The following SV2B variants were observed in gnomAD, a reference collection of about 807,000 sequenced individuals.
SV2B encodes solute carrier family 22 member B2.
A neutral mutation model predicts 73.9 loss-of-function variants in SV2B; 41 were observed. The ratio of observed to expected loss-of-function variants is 0.56; its 90% CI spans 0.43 to 0.72. The LOEUF (loss-of-function observed/expected upper bound fraction) is 0.72, where lower values mean the gene tolerates loss of function less well. Ranked by LOEUF, SV2B falls within the 30% of genes least tolerant of loss-of-function variation. The probability of loss-of-function intolerance (pLI) is 0.00; values close to 1 mark genes in which losing one functional copy is unlikely to be tolerated. For missense variants in SV2B, 764 were observed against 857.8 expected, an observed-to-expected ratio of 0.89 and a Z score of 1.37; for synonymous variants, 314 against 314.2, an observed-to-expected ratio of 1.00 and a Z score of 0.01.
At chr15:91,169,401 G>A (rs768582225) in intron 1 of SV2B, among the ~76,000 whole-genome samples, 9 of 151,908 alleles carry the variant, frequency 5.9e-5, no homozygotes, top group Non-Finnish European at 1.2e-4. Context: ...TCCAGTGAAC[G>A]AATGAATGAA....
At chr15:91,213,261 T>C (rs1173550202) in intron 1 of SV2B, among the ~76,000 whole-genome samples, 1 of 152,178 alleles carries the variant, frequency 6.6e-6, no homozygotes, top group African/African-American at 2.4e-5. Context: ...AATAGACTCA[T>C]GGGCACATTT....
intron 1 of SV2B, among the ~76,000 whole-genome samples, chr15:91,202,929 C>T (rs780331206): frequency 1.8e-4 from 27 of 152,174 alleles, no homozygotes; most frequent in Non-Finnish European, 3.4e-4. Context: ...GAAGGACTGA[C>T]TACCACTCAC....
In SV2B at chr15:91,242,169, C is replaced by T. The variant is rs1410774300; in HGVS notation, c.452-9650C>T. ...TGGACATCTAAGCTACCTCTGTCTC[C>T]TCGTTTTCCACCTGCCCATTGGCTG... is the stretch of plus-strand genomic sequence containing the variant. On this transcript the variant is annotated intron_variant, in intron 2 of 12. Coordinates refer to ENST00000394232, the MANE Select transcript of SV2B (RefSeq NM_001323032.3). This position sits in a 1 kb window ranked among gnomAD's most constrained non-coding sequence, Gnocchi z 4.9. Among the ~76,000 whole-genome samples the T allele has an allele frequency of 6.6e-6, 1 of 152,210 alleles. No homozygotes were observed. Among genetic ancestry groups the T allele is most frequent in the African/African-American group, 2.4e-5 (1 of 41,450 alleles).
rs747484221 is a variant in SV2B at position 91,289,577 on chromosome 15, G to A, written c.1765G>A (p.Glu589Lys). ...CCFFLFFGNS[E>K]SAMIGWQCLF... ...CTTCTTCCTGTTTTTTGGCAACAGT[G>A]AGTCTGCAATGATCGGCTGGCAGTG... The change falls in exon 12 of 13, where the codon GAG becomes AAG. Residue 589 changes from glutamate to lysine, a missense_variant. Physicochemically the swap from Glu to Lys is moderately conservative, Grantham distance 56. Coordinates refer to ENST00000394232, the MANE Select transcript of SV2B (RefSeq NM_001323032.3). The surrounding 1 kb of genome is among the most constrained non-coding windows in gnomAD (Gnocchi z 4.9). The A allele has an allele frequency of 6.2e-7, 1 of 1,614,218 alleles. No homozygotes were observed. Among genetic ancestry groups the A allele is most frequent in the African/African-American group, 1.3e-5 (1 of 75,054 alleles).
At position 91,136,971 on chromosome 15, in the gene SV2B, A is replaced by G. The variant is rs59528283; in HGVS notation, c.-392+36608A>G. ...AGGAAAAACTATCTGCTCCTGAATG[A>G]AAATTTGATCCACGCAGAAGACAAC... On this transcript the variant is annotated intron_variant, in intron 1 of 12. Coordinates refer to ENST00000394232, the MANE Select transcript of SV2B (RefSeq NM_001323032.3). This position sits in a 1 kb window ranked among gnomAD's most constrained non-coding sequence, Gnocchi z 5.6. 7.8e-3 allele frequency among the ~76,000 whole-genome samples: 1,194 copies of G among 152,292 alleles called. 17 individuals are homozygous for G. Among genetic ancestry groups the G allele is most frequent in the African/African-American group, 0.028 (1,151 of 41,562 alleles).
intron 1 of SV2B, among the ~76,000 whole-genome samples, chr15:91,189,200 T>C (rs2044902943): frequency 1.3e-5 from 2 of 152,136 alleles, no homozygotes; most frequent in Admixed American, 1.3e-4. Flanking sequence ...GACTACATTT[T>C]GTTCATGGCA....
chr15:91,278,678 C>CAAAAGAAAAAA (rs2048580860), intron 9 of SV2B, among the ~76,000 whole-genome samples: 1 of 42,442 alleles, frequency 2.4e-5, no homozygotes, highest in African/African-American at 1.3e-4. Flanking sequence ...GACTCCGTCT[C>CAAAAGAAAAAA]AAAAAAAAAA....
intron 1 of SV2B, among the ~76,000 whole-genome samples, chr15:91,178,746 T>C (rs923964892): frequency 1.3e-5 from 2 of 150,042 alleles, no homozygotes; most frequent in Admixed American, 6.7e-5. Flanking sequence ...ATATCCCCTT[T>C]ATCATTTTTT....
At chr15:91,133,825 T>G (rs888725647) in intron 1 of SV2B, among the ~76,000 whole-genome samples, 1 of 152,120 alleles carries the variant, frequency 6.6e-6, no homozygotes, top group Non-Finnish European at 1.5e-5. Flanking sequence ...ATGCGATCCA[T>G]GAGAAGCTGG....
chr15:91,278,285 A>G (rs2048560084), intron 9 of SV2B, among the ~76,000 whole-genome samples: 1 of 151,960 alleles, frequency 6.6e-6, no homozygotes, highest in East Asian at 1.9e-4. Flanking sequence ...TCGAGAGGAG[A>G]AGAAAATTGT....
Position 91,110,794 on chromosome 15 carries a change from C to A in SV2B, c.-392+10431C>A, listed in dbSNP as rs76491095. ...CACTATGACAAGTGACGAACACATCCCACACATGCCAGTGTAAGGGTCTGT... is the reference window on the plus strand; with the variant it reads ...CACTATGACAAGTGACGAACACATCACACACATGCCAGTGTAAGGGTCTGT... On this transcript the variant is annotated intron_variant, in intron 1 of 12. Transcript: ENST00000394232. This position sits in a 1 kb window ranked among gnomAD's most constrained non-coding sequence, Gnocchi z 5.4. Among the ~76,000 whole-genome samples the A allele has an allele frequency of 0.011, 1,607 of 152,308 alleles. 26 individuals are homozygous for A. Among genetic ancestry groups the A allele is most frequent in the African/African-American group, 0.036 (1,515 of 41,548 alleles).
rs1473948567 is a variant in SV2B, at chr15:91,268,010, C to G, written c.1208+367C>G. ...TAGAGATGGGGTTTTGCCATCTTGGCCAGGATGGTCTTGAATTCCTGACCT... is the reference window on the plus strand; with the variant it reads ...TAGAGATGGGGTTTTGCCATCTTGGGCAGGATGGTCTTGAATTCCTGACCT... On this transcript the variant is annotated intron_variant, in intron 8 of 12. Coordinates refer to ENST00000394232, the MANE Select transcript of SV2B (RefSeq NM_001323032.3). The surrounding 1 kb of genome is among the most constrained non-coding windows in gnomAD (Gnocchi z 4.4). 3.3e-5 allele frequency among the ~76,000 whole-genome samples: 5 copies of G among 152,096 alleles called. No homozygotes were observed. The highest frequency in any genetic ancestry group is 7.3e-5 in the Non-Finnish European group (5 of 68,038).
chr15:91,228,639 C>T (rs1392789023), intron 2 of SV2B, among the ~76,000 whole-genome samples: 1 of 152,220 alleles, frequency 6.6e-6, no homozygotes, highest in African/African-American at 2.4e-5. Flanking sequence ...TTGCTGGCTC[C>T]TAGGGCAAAT....
intron 1 of SV2B, among the ~76,000 whole-genome samples, chr15:91,158,273 T>C (rs2043558790): frequency 6.6e-6 from 1 of 152,198 alleles, no homozygotes. Flanking sequence ...CAGCACTTGT[T>C]CTTCCCCTTC....
chr15:91,161,881 T>C (rs984839342), intron 1 of SV2B, among the ~76,000 whole-genome samples: 2 of 152,226 alleles, frequency 1.3e-5, no homozygotes, highest in Non-Finnish European at 2.9e-5. Flanking sequence ...CAAAAGTATT[T>C]GCATCATTTA....
chr15:91,218,305 A>T (rs2046102686), intron 1 of SV2B, among the ~76,000 whole-genome samples: 1 of 152,250 alleles, frequency 6.6e-6, no homozygotes, highest in Non-Finnish European at 1.5e-5. Context: ...AGAGATAAGG[A>T]TATTCTTTTC....
At position 91,140,874 on chromosome 15, in the gene SV2B, C is replaced by T. The variant is rs926688142; in HGVS notation, c.-392+40511C>T. On this transcript the variant is annotated intron_variant, in intron 1 of 12. Transcript: ENST00000394232. The surrounding 1 kb of genome is among the most constrained non-coding windows in gnomAD (Gnocchi z 4.4). ...CTTGCTGGGGGTTGATAAACACACA[C>T]CGAGATAGAAGACTCTCTGTTTTCT... 5.9e-5 allele frequency among the ~76,000 whole-genome samples: 9 copies of T among 152,078 alleles called. No homozygotes were observed. The highest frequency in any genetic ancestry group is 1.2e-4 in the African/African-American group (5 of 41,384).
intron 1 of SV2B, among the ~76,000 whole-genome samples, chr15:91,155,325 T>C (rs2043451074): frequency 2.6e-5 from 4 of 152,198 alleles, no homozygotes; most frequent in African/African-American, 7.2e-5. Flanking sequence ...CCAGTGAGTA[T>C]TAACTGTAGA....
chr15:91,167,452 T>C (rs2043956025), intron 1 of SV2B, among the ~76,000 whole-genome samples: 1 of 152,358 alleles, frequency 6.6e-6, no homozygotes, highest in East Asian at 1.9e-4. Flanking sequence ...CTGGAGACTT[T>C]AAGAGAGAAT....
Sources: allele counts gnomAD v4.1 joint callset (sites outside exome capture counted in the v4.1 genomes callset), GRCh38; gene constraint gnomAD v4.1.1; non-coding constraint Gnocchi (gnomAD v3.1); transcripts MANE v1.5; gene names NCBI Gene and HGNC (gene_info 2026-07-23, HGNC 2026-07-21).